TUBA1B: variants seen among roughly 807,000 people sequenced by gnomAD.
TUBA1B encodes the protein tubulin alpha 1b, also known as tubulin alpha-1B chain.
Under a neutral mutation model 34.4 loss-of-function variants are expected in TUBA1B, and 1 was observed. The ratio of observed to expected loss-of-function variants is 0.03; its 90% CI spans 0.01 to 0.14. TUBA1B has a LOEUF of 0.14. Among genes scored for constraint, TUBA1B ranks in the 10% least tolerant of loss-of-function variants. The pLI is 1.00. For missense variants in TUBA1B, 54 were observed against 583.6 expected (o/e 0.09, Z 9.35); for synonymous variants, 197 against 212.5 (o/e 0.93, Z 0.64).
At position 49,128,963 on chromosome 12, in the gene TUBA1B, T is replaced by C. The variant is rs1166917487; in HGVS notation, c.376-25A>G. 5 of 1,571,046 alleles carry C rather than the reference T, an allele frequency of 3.2e-6. No individual in the cohort carries two copies. The highest frequency in any genetic ancestry group is 3.4e-6 in the Non-Finnish European group (4 of 1,162,830). On this transcript the variant is annotated intron_variant, in intron 3 of 3. Coordinates refer to ENST00000336023, the MANE Select transcript of TUBA1B (RefSeq NM_006082.3). This position sits in a 1 kb window ranked among gnomAD's most constrained non-coding sequence, Gnocchi z 8.1. ...CCTGTAGGGGAATAAAAAAATGTAA[T>C]ATTTTAATGCCAGGACACATTATCT...
intron 1 of TUBA1B, chr12:49,130,778 G>C (rs75833523): frequency 0.016 from 2,865 of 178,560 alleles, 84 homozygotes; most frequent in African/African-American, 0.064. Context: ...CCCTAGTCGC[G>C]TCGCGACCCA....
intron 1 of TUBA1B, chr12:49,131,079 G>A (rs1941801677): frequency 1.9e-6 from 1 of 533,772 alleles, no homozygotes; most frequent in South Asian, 2.2e-5. Flanking sequence ...TCCAGAGTCC[G>A]AGAAGAAATC....
chr12:49,129,886 TC>T, intron 1 of TUBA1B, 164 bp from the exon 2 acceptor site: 3 of 1,236,844 alleles, frequency 2.4e-6, no homozygotes, highest in Non-Finnish European at 3.3e-6. Context: ...GCTCCAGTCA[TC>T]CCCCCACCTC....
chr12:49,128,172 G>A lies in TUBA1B; in HGVS notation c.1142C>T (p.Thr381Ile), dbSNP rs779765081. 1 of 1,614,198 alleles carries A rather than the reference G, an allele frequency of 6.2e-7. No individual in the cohort carries two copies. Among genetic ancestry groups the A allele is most frequent in the South Asian group, 1.1e-5 (1 of 91,088 alleles). ...VQRAVCMLSN[T>I]TAIAEAWARL... ...AGCCCAGGCCTCAGCAATGGCTGTG[G>A]TGTTGCTCAGCATGCACACAGCTCT... is the stretch of plus-strand genomic sequence containing the variant. Residue 381 changes from threonine (T) to isoleucine (I), a missense_variant, in exon 4 of 4, where the codon ACC becomes ATC. Coordinates refer to ENST00000336023, the MANE Select transcript of TUBA1B (RefSeq NM_006082.3). The surrounding 1 kb of genome is among the most constrained non-coding windows in gnomAD (Gnocchi z 8.1).
chr12:49,127,895 C>G lies in TUBA1B; in HGVS notation c.*63G>C. The stretch of plus-strand genomic sequence containing the variant: ...CTAACCAGAAAGCTTTAACGTCTGT[C>G]AGTTAAGCTGAAGCTGAAATTCTGG... On this transcript the variant is annotated 3_prime_UTR_variant, in exon 4 of 4. Coordinates refer to ENST00000336023, the MANE Select transcript of TUBA1B (RefSeq NM_006082.3). The G allele has an allele frequency of 6.2e-7, 1 of 1,611,366 alleles. No homozygotes were observed. The highest frequency in any genetic ancestry group is 1.7e-4 in the Middle Eastern group (1 of 6,050).
chr12:49,127,895 CAG>C lies in TUBA1B; in HGVS notation c.*61_*62del. ...CTAACCAGAAAGCTTTAACGTCTGT[CAG>C]TTAAGCTGAAGCTGAAATTCTGGGA... On this transcript the variant is annotated 3_prime_UTR_variant, in exon 4 of 4. Transcript: ENST00000336023. 6.2e-7 allele frequency: 1 copy of C among 1,611,366 alleles called. No individual in the cohort carries two copies. The highest frequency in any genetic ancestry group is 8.5e-7 in the Non-Finnish European group (1 of 1,178,070).
chr12:49,130,308 G>T, intron 1 of TUBA1B: 8 of 1,289,218 alleles, frequency 6.2e-6, no homozygotes, highest in Non-Finnish European at 7.1e-6. Flanking sequence ...GACCAGCGCA[G>T]AAGAAATGTC....
intron 3 of TUBA1B, 63 bp from the exon 4 acceptor site, chr12:49,129,001 T>C (rs1941771538): frequency 6.5e-7 from 1 of 1,541,688 alleles, no homozygotes. Flanking sequence ...GAATTTCTAT[T>C]TCAACTTTTT....
chr12:49,129,317 G>A lies in TUBA1B; in HGVS notation c.300C>T (p.Ala100=), dbSNP rs1319992664. 3.7e-6 allele frequency: 6 copies of A among 1,614,072 alleles called. No individual in the cohort carries two copies. Among genetic ancestry groups the A allele is most frequent in the Non-Finnish European group, 5.1e-6 (6 of 1,180,050 alleles). ...TGTAGTGCCCTCGGGCATAGTTATT[G>A]GCAGCATCTTCCTTGCCTGTGATGA... ...EQLITGKEDA[A]NNYARGHYTI... The change falls in exon 3 of 4, where the codon GCC becomes GCT. Residue 100 remains alanine (A), a synonymous_variant. Coordinates refer to ENST00000336023, the MANE Select transcript of TUBA1B (RefSeq NM_006082.3).
rs1290846061 is a variant in TUBA1B at position 49,129,641 on chromosome 12, C to A, written c.85G>T (p.Gly29Cys). 1 of 1,614,186 alleles carries A rather than the reference C, an allele frequency of 6.2e-7. No homozygotes were observed. The highest frequency in any genetic ancestry group is 1.3e-5 in the African/African-American group (1 of 75,052). The change falls in exon 2 of 4, where the codon GGC becomes TGC. Residue 29 changes from glycine (G) to cysteine (C), a missense_variant. By Grantham distance (159) the Gly-to-Cys change is radical (BLOSUM62 -3). Coordinates refer to ENST00000336023, the MANE Select transcript of TUBA1B (RefSeq NM_006082.3). ...ACWELYCLEHGIQPDGQMPSD... is the reference protein window; with the variant it reads ...ACWELYCLEHCIQPDGQMPSD... ...GGCATCTGGCCATCGGGCTGGATGCCGTGTTCCAGGCAGTAGAGCTCCCAG... is the reference window on the plus strand; with the variant it reads ...GGCATCTGGCCATCGGGCTGGATGCAGTGTTCCAGGCAGTAGAGCTCCCAG...
intron 1 of TUBA1B, 92 bp from the exon 2 acceptor site, chr12:49,129,814 G>A: frequency 1.3e-6 from 2 of 1,565,738 alleles, no homozygotes; most frequent in Non-Finnish European, 1.7e-6. Context: ...TATTTTTTTA[G>A]AGATAAGGTC....
At chr12:49,129,952 T>A in intron 1 of TUBA1B, 1 of 1,037,282 alleles carries the variant, frequency 9.6e-7, no homozygotes, top group Non-Finnish European at 1.3e-6. Context: ...GCTAATTTTT[T>A]CATTTTTTTT....
Position 49,129,740 on chromosome 12 carries a change from G to A in TUBA1B, c.4-18C>T, listed in dbSNP as rs3842281. The A allele has an allele frequency of 5.6e-6, 9 of 1,612,632 alleles. No individual in the cohort carries two copies. The highest frequency in any genetic ancestry group is 1.3e-5 in the African/African-American group (1 of 74,990). On this transcript the variant is annotated intron_variant, in intron 1 of 3. Coordinates refer to ENST00000336023, the MANE Select transcript of TUBA1B (RefSeq NM_006082.3). ...CACTCACGCTGCGGGAAGGAAAAAAGATATCACAATTTAAACCAATCTATT... is the reference window on the plus strand; with the variant it reads ...CACTCACGCTGCGGGAAGGAAAAAAAATATCACAATTTAAACCAATCTATT...
chr12:49,131,119 G>T, intron 1 of TUBA1B, 179 bp downstream of exon 1: 1 of 645,934 alleles, frequency 1.5e-6, no homozygotes, highest in Non-Finnish European at 2.6e-6. Flanking sequence ...CCGGGCCCCC[G>T]CTATTTACAC....
chr12:49,127,937 A>T lies in TUBA1B; in HGVS notation c.*21T>A. ...AAATTCTGGGAGCATGACATGCTGC[A>T]GGGCCAAAAGGAATGGATAATTAGT... On this transcript the variant is annotated 3_prime_UTR_variant, in exon 4 of 4. Coordinates refer to ENST00000336023, the MANE Select transcript of TUBA1B (RefSeq NM_006082.3). The T allele has an allele frequency of 2.4e-5, 39 of 1,614,022 alleles. No homozygotes were observed. The highest frequency in any genetic ancestry group is 3.2e-5 in the Non-Finnish European group (38 of 1,179,880).
chr12:49,129,218 T>A (rs755292946), intron 3 of TUBA1B, 24 bp downstream of exon 3: 1 of 1,613,194 alleles, frequency 6.2e-7, no homozygotes, highest in Non-Finnish European at 8.5e-7. Flanking sequence ...CCACATTAAA[T>A]GCATATTTAT....
rs1474242703 is a variant in TUBA1B, at chr12:49,127,809, A to G, written c.*149T>C. On this transcript the variant is annotated 3_prime_UTR_variant, in exon 4 of 4. Coordinates refer to ENST00000336023, the MANE Select transcript of TUBA1B (RefSeq NM_006082.3). ...TTGATGTTAATGACTTTACTTTGAGATATGATGGAAAAATATTACAGGTAC... is the reference window on the plus strand; with the variant it reads ...TTGATGTTAATGACTTTACTTTGAGGTATGATGGAAAAATATTACAGGTAC... 1.7e-5 allele frequency: 21 copies of G among 1,272,606 alleles called. No homozygotes were observed. Among genetic ancestry groups the G allele is most frequent in the Non-Finnish European group, 4.4e-6 (4 of 918,906 alleles). The allele number at this position is 1,272,606 out of a possible 1,614,324, so 78.8% of individuals were successfully genotyped here. A position where few individuals can be genotyped will look rare whatever the true frequency, so the allele number is the denominator to read the frequency against.
chr12:49,128,033 G>T lies in TUBA1B; in HGVS notation c.1281C>A (p.Ala427=). Residue 427 remains alanine, a synonymous_variant, in exon 4 of 4, where the codon GCC becomes GCA. Transcript: ENST00000336023. This position sits in a 1 kb window ranked among gnomAD's most constrained non-coding sequence, Gnocchi z 8.1. ...EFSEAREDMA[A]LEKDYEEVGV... ...CAACCTCCTCATAATCCTTCTCAAG[G>T]GCAGCCATATCTTCACGGGCCTCTG... 1 of 1,614,132 alleles carries T rather than the reference G, an allele frequency of 6.2e-7. No homozygotes were observed. Among genetic ancestry groups the T allele is most frequent in the Non-Finnish European group, 8.5e-7 (1 of 1,180,028 alleles).
chr12:49,127,994 A>G lies in TUBA1B; in HGVS notation c.1320T>C (p.Val440=), dbSNP rs1353164339. The G allele has an allele frequency of 3.7e-6, 6 of 1,614,004 alleles. No homozygotes were observed. Among genetic ancestry groups the G allele is most frequent in the Non-Finnish European group, 5.1e-6 (6 of 1,180,026 alleles). ...CTCCTTCTTCCTCACCCTCTCCTTC[A>G]ACAGAATCCACACCAACCTCCTCAT... is the stretch of plus-strand genomic sequence containing the variant. The part of the protein sequence containing the change: ...KDYEEVGVDS[V]EGEGEEEGEE... The change falls in exon 4 of 4, where the codon GTT becomes GTC. Residue 440 remains valine (V), a synonymous_variant. Transcript: ENST00000336023.
Sources: gnomAD v4.1 joint callset for allele counts on GRCh38, gnomAD v4.1.1 for gene constraint, Gnocchi (gnomAD v3.1) non-coding constraint, MANE v1.5 for transcripts, NCBI Gene and HGNC (gene_info 2026-07-23, HGNC 2026-07-21) for gene names.